Variants in HELZ2 observed in about 807,000 individuals in gnomAD.
HELZ2 encodes helicase with zinc finger 2.
Under a neutral mutation model 208.8 loss-of-function variants are expected in HELZ2, and 143 were observed. The observed-to-expected ratio is 0.68, with a 90% CI of 0.60 to 0.79. The LOEUF (loss-of-function observed/expected upper bound fraction) is 0.79. Ranked by LOEUF, HELZ2 falls within the 30% of genes least tolerant of loss-of-function variation. The pLI, the probability that HELZ2 is intolerant of heterozygous loss-of-function variation, is 0.00. For synonymous variants in HELZ2, 1,705 were observed against 1,693.7 expected (o/e 1.01, Z -0.16); for missense variants, 3,690 against 3,794.5 (o/e 0.97, Z 0.72).
In HELZ2 at chr20:63,566,986, C is replaced by CG. The variant is rs1569035411; in HGVS notation, c.2371dup (p.Arg791ProfsTer13). 1 of 1,611,620 alleles carries CG rather than the reference C, an allele frequency of 6.2e-7. No homozygotes were observed. The highest frequency in any genetic ancestry group is 1.1e-5 in the South Asian group (1 of 91,088). On this transcript the variant is annotated frameshift_variant, in exon 6 of 19. Coordinates refer to ENST00000467148, the Ensembl canonical transcript of HELZ2. LOFTEE classifies it high-confidence loss of function. The stretch of plus-strand genomic sequence containing the variant: ...CAGCCAGGACGCCATGGACATGTCC[C>CG]GGTCTGGGCTGCCCGCCACGTGGCA...
chr20:63,560,075 G>T, exon 18 of HELZ2: 1 of 1,604,632 alleles, frequency 6.2e-7, no homozygotes. Flanking sequence ...GTGCTCACCA[G>T]CACATAGCGC....
At position 63,560,496 on chromosome 20, in the gene HELZ2, C is replaced by T. The variant is rs144853252; in HGVS notation, c.7483G>A (p.Glu2495Lys). The T allele has an allele frequency of 1.6e-5, 26 of 1,611,804 alleles. No homozygotes were observed. The highest frequency in any genetic ancestry group is 2.1e-5 in the Non-Finnish European group (25 of 1,179,992). The change falls in exon 16 of 19, where the codon GAG becomes AAG. Residue 2495 changes from glutamate (E) to lysine (K), a missense_variant. Coordinates refer to ENST00000467148, the Ensembl canonical transcript of HELZ2. ...ACACTCACCACCTCAGCCACCTCCT[C>T]CAGGTTGGCCTTGGAGTTCTCATTC...
chr20:63,566,722 A>G, intron 6 of HELZ2, 122 bp downstream of exon 7: 1 of 1,024,946 alleles, frequency 9.8e-7, no homozygotes, highest in South Asian at 1.6e-5. Flanking sequence ...CCTGGGAGGC[A>G]AATACTGCAG....
At chr20:63,569,148 T>C in exon 4 of HELZ2, 5 of 1,560,092 alleles carry the variant, frequency 3.2e-6, no homozygotes, top group Non-Finnish European at 4.3e-6. Flanking sequence ...CCCAGCTCAC[T>C]TGGCCACCAG....
In HELZ2 at chr20:63,562,065, G is replaced by A. The variant is rs1569029251; in HGVS notation, c.6529+7C>T. 1 of 1,601,686 alleles carries A rather than the reference G, an allele frequency of 6.2e-7. No individual in the cohort carries two copies. Among genetic ancestry groups the A allele is most frequent in the Non-Finnish European group, 8.5e-7 (1 of 1,174,444 alleles). ...GCAGCCTGCGGCTCCCCCGGCATGG[G>A]CCCTACCTGGTGGGCCCTGAATGAC... is the stretch of plus-strand genomic sequence containing the variant. On this transcript the variant is annotated splice_region_variant and intron_variant, in intron 10 of 18. Transcript: ENST00000467148.
exon 15 of HELZ2, chr20:63,560,852 C>T: frequency 6.2e-7 from 1 of 1,613,280 alleles, no homozygotes; most frequent in Non-Finnish European, 8.5e-7. Context: ...CGAACAGAGA[C>T]CGGTCCAGAC....
In HELZ2 at chr20:63,566,835, C is replaced by T. The variant is rs775218851; in HGVS notation, c.2514+9G>A. The T allele has an allele frequency of 7.6e-6, 12 of 1,584,108 alleles. No homozygotes were observed. The highest frequency in any genetic ancestry group is 4.0e-5 in the African/African-American group (3 of 74,788). ...CGGTCGGGGGCTGTCCCGGGCTGGC[C>T]GGGCTCACCTGGGCACCGTGGGAAA... On this transcript the variant is annotated intron_variant, in intron 6 of 18. Coordinates refer to ENST00000467148, the Ensembl canonical transcript of HELZ2.
intron 13 of HELZ2, 21 bp from the exon 15 acceptor site, chr20:63,561,295 C>T (rs762058720): frequency 6.2e-7 from 1 of 1,612,350 alleles, no homozygotes. Context: ...CACTGCTTGT[C>T]ACCCCAGGGC....
chr20:63,567,711 G>T, intron 5 of HELZ2, 84 bp from the exon 7 acceptor site: 1 of 1,500,298 alleles, frequency 6.7e-7, no homozygotes. Flanking sequence ...GCCCAGCCGA[G>T]CTGCCCCTGA....
chr20:63,570,972 G>C, intron 1 of HELZ2, 104 bp from the exon 3 acceptor site: 2 of 912,384 alleles, frequency 2.2e-6, no homozygotes, highest in East Asian at 5.3e-5. Flanking sequence ...TAGGGAGCAG[G>C]GGCTTTATTC....
At chr20:63,569,371 C>T in exon 4 of HELZ2, 1 of 1,608,574 alleles carries the variant, frequency 6.2e-7, no homozygotes, top group Non-Finnish European at 8.5e-7. Flanking sequence ...TCCATCTCCT[C>T]AGGGTGGCCG....
At chr20:63,571,580 TGGGA>T in intron 1 of HELZ2, 1 of 162,886 alleles carries the variant, frequency 6.1e-6, no homozygotes, top group Non-Finnish European at 1.3e-5. Flanking sequence ...TCCAAGCTCC[TGGGA>T]GCCTCTGGCT....
intron 18 of HELZ2, among the ~76,000 whole-genome samples, chr20:63,559,650 T>C (rs546809310): frequency 1.3e-5 from 1 of 77,694 alleles, no homozygotes; most frequent in South Asian, 5.3e-4. Flanking sequence ...GGAGTCAGGG[T>C]CAGGTGGGAG....
At chr20:63,572,633 G>A (rs1436040297), upstream of HELZ2, 1 of 490,434 alleles carries the variant, frequency 2.0e-6, no homozygotes, top group East Asian at 3.3e-5. Flanking sequence ...GAAGCAGAGG[G>A]AGCAAAGCAG....
At chr20:63,566,479 G>A in intron 6 of HELZ2, 26 bp from the exon 8 acceptor site, 1 of 1,544,474 alleles carries the variant, frequency 6.5e-7, no homozygotes, top group Non-Finnish European at 8.7e-7. Context: ...GGCCGGGGAT[G>A]AGTGCTGGAC....
exon 9 of HELZ2, chr20:63,562,372 C>T: frequency 6.3e-7 from 1 of 1,588,202 alleles, no homozygotes; most frequent in East Asian, 2.2e-5. Context: ...CGCACGGCTT[C>T]CTCCTTGCGG....
chr20:63,570,526 C>T lies in HELZ2; in HGVS notation c.548G>A (p.Trp183Ter). The change falls in exon 3 of 19, where the codon TGG (tryptophan) becomes TAG (stop). Residue 183 changes from tryptophan to a stop codon, truncating the protein, a stop_gained. Transcript: ENST00000467148. LOFTEE classifies it high-confidence loss of function. The stretch of plus-strand genomic sequence containing the variant: ...CACCTCAGAGTGGACGGCAAACGTC[C>T]AGCTGTACTGGGTCTTCCTCTCCTG... The T allele has an allele frequency of 6.2e-7, 1 of 1,613,344 alleles. No homozygotes were observed. The highest frequency in any genetic ancestry group is 8.5e-7 in the Non-Finnish European group (1 of 1,179,992).
chr20:63,563,310 G>A lies in HELZ2; in HGVS notation c.5512C>T (p.Gln1838Ter). ...AGAGCAGCCGCCTCCGGCCAGCGCT[G>A]CAGCTCCACCAGCTCCAGCAGCTGC... The change falls in exon 8 of 19, where the codon CAG becomes TAG. Residue 1838 changes from glutamine to a stop codon, truncating the protein, a stop_gained. Transcript: ENST00000467148. LOFTEE classifies it high-confidence loss of function. The A allele has an allele frequency of 6.5e-7, 1 of 1,544,188 alleles. No homozygotes were observed. Among genetic ancestry groups the A allele is most frequent in the Non-Finnish European group, 8.7e-7 (1 of 1,151,412 alleles).
downstream of HELZ2, chr20:63,558,088 A>G (rs144228742): frequency 3.3e-5 from 5 of 152,790 alleles, no homozygotes; most frequent in East Asian, 9.4e-4. Context: ...CCCAGAAGTG[A>G]GAAGAGCTTT....
Sources: gnomAD v4.1 joint callset for allele counts (sites outside exome capture counted in the v4.1 genomes callset) on GRCh38, gnomAD v4.1.1 for gene constraint, MANE v1.5 for transcripts, NCBI Gene and HGNC (gene_info 2026-07-23, HGNC 2026-07-21) for gene names.